The following ZDHHC2 variants were observed in gnomAD, a reference collection of about 807,000 sequenced individuals.
ZDHHC2 encodes the protein zDHHC palmitoyltransferase 2, also known as palmitoyltransferase ZDHHC2.
In ZDHHC2, 51 loss-of-function variants were observed where a neutral mutation model predicts 55.6. The observed-to-expected ratio is 0.92, with a 90% CI of 0.73 to 1.16. The LOEUF is 1.16. Ranked by LOEUF, ZDHHC2 falls within the 50% of genes most tolerant of loss-of-function variation. ZDHHC2 has a pLI of 0.00. For missense variants in ZDHHC2, 491 were observed against 442.4 expected, an observed-to-expected ratio of 1.11 and a Z score of -0.99; for synonymous variants, 199 against 152.9, an observed-to-expected ratio of 1.30 and a Z score of -2.22.
intron 1 of ZDHHC2, among the ~76,000 whole-genome samples, chr8:17,182,814 C>T (rs758459089): frequency 1.3e-5 from 2 of 152,026 alleles, no homozygotes; most frequent in African/African-American, 2.4e-5. Context: ...CAGGCTGGAG[C>T]GCAGTGGCGT....
At chr8:17,207,906 A>G (rs1202223235) in intron 7 of ZDHHC2, 54 bp from the exon 8 acceptor site, 4 of 1,275,014 alleles carry the variant, frequency 3.1e-6, no homozygotes, top group African/African-American at 1.5e-5. Context: ...TTATAAAAGT[A>G]GGGGAATACA....
chr8:17,162,010 A>G (rs969533771), intron 1 of ZDHHC2, among the ~76,000 whole-genome samples: 2 of 152,256 alleles, frequency 1.3e-5, no homozygotes, highest in Non-Finnish European at 2.9e-5. Context: ...CTTCAAATCA[A>G]AAATTCAAAT....
intron 6 of ZDHHC2, among the ~76,000 whole-genome samples, chr8:17,204,747 A>G (rs984530357): frequency 6.6e-6 from 1 of 152,178 alleles, no homozygotes; most frequent in Non-Finnish European, 1.5e-5. Flanking sequence ...AATCTATACA[A>G]CAGACCCCCA....
chr8:17,162,066 T>C (rs1407298739), intron 1 of ZDHHC2, among the ~76,000 whole-genome samples: 2 of 152,234 alleles, frequency 1.3e-5, no homozygotes, highest in Non-Finnish European at 2.9e-5. Flanking sequence ...TGCTCCCATT[T>C]TACTTTAATA....
rs1804054690 is a variant in ZDHHC2, at chr8:17,156,583, G to C, written c.-141G>C. The C allele has an allele frequency of 1.9e-6, 1 of 536,712 alleles. No homozygotes were observed. The highest frequency in any genetic ancestry group is 6.2e-5 in the Admixed American group (1 of 16,250). 33.2% of individuals were successfully genotyped at this position (536,712 alleles called of 1,614,324 possible). A position where few individuals can be genotyped will look rare whatever the true frequency, so the allele number is the denominator to read the frequency against. On this transcript the variant is annotated 5_prime_UTR_variant, in exon 1 of 13. Coordinates refer to ENST00000262096, the MANE Select transcript of ZDHHC2 (RefSeq NM_016353.5). ...CGGGGCTGCGGGATGGGGAGTTAGC[G>C]CCACGGCGGCGGCAGTGGCCGCAGC...
chr8:17,156,821 C>T lies in ZDHHC2; in HGVS notation c.98C>T (p.Ser33Phe). 6.6e-7 allele frequency: 1 copy of T among 1,520,660 alleles called. No individual in the cohort carries two copies. Among genetic ancestry groups the T allele is most frequent in the Non-Finnish European group, 8.8e-7 (1 of 1,132,794 alleles). The allele number at this position is 1,520,660 out of a possible 1,614,324, so 94.2% of individuals were successfully genotyped here. A position where few individuals can be genotyped will look rare whatever the true frequency, so the allele number is the denominator to read the frequency against. ...TTCATCACCCTCCTGCTCGGCTGGT[C>T]CTACTACGCCTACGCCATCCAGCTG... Reference protein sequence around the residue: ...VVFITLLLGWSYYAYAIQLCI... With the variant: ...VVFITLLLGWFYYAYAIQLCI... The change falls in exon 1 of 13, where the codon TCC becomes TTC. Residue 33 changes from serine (S) to phenylalanine (F), a missense_variant. Ser to Phe is a radical substitution (Grantham distance 155, BLOSUM62 -2). Transcript: ENST00000262096.
intron 2 of ZDHHC2, 92 bp downstream of exon 2, chr8:17,184,907 G>C (rs2517086): frequency 0.51 from 604,710 of 1,181,700 alleles, 164,841 homozygotes; most frequent in Non-Finnish European, 0.57. Context: ...ATAAATTGTT[G>C]TTTGAGAATG....
At position 17,171,742 on chromosome 8, in the gene ZDHHC2, T is replaced by C. The variant is rs573761006; in HGVS notation, c.131-13047T>C. On this transcript the variant is annotated intron_variant, in intron 1 of 12. Coordinates refer to ENST00000262096, the MANE Select transcript of ZDHHC2 (RefSeq NM_016353.5). ...ACAACATGGATGAACCTGGAAGACA[T>C]TGGGCTACATGAGAAAAAGCCAGTC... 1.4e-4 allele frequency among the ~76,000 whole-genome samples: 21 copies of C among 151,780 alleles called. No individual in the cohort carries two copies. In the South Asian group the frequency reaches 4.4e-3, roughly 32 times the overall value.
chr8:17,189,814 T>A (rs1406061166), intron 3 of ZDHHC2, among the ~76,000 whole-genome samples: 3 of 152,232 alleles, frequency 2.0e-5, no homozygotes, highest in Non-Finnish European at 4.4e-5. Context: ...GTGTGATTTT[T>A]CTACAAAAGA....
chr8:17,186,952 G>A (rs765465969), intron 3 of ZDHHC2, among the ~76,000 whole-genome samples: 1 of 152,168 alleles, frequency 6.6e-6, no homozygotes, highest in Non-Finnish European at 1.5e-5. Flanking sequence ...GGACTCTGCG[G>A]TTCCAACCAT....
chr8:17,191,780 G>C (rs1355518780), intron 3 of ZDHHC2, among the ~76,000 whole-genome samples: 1 of 152,108 alleles, frequency 6.6e-6, no homozygotes, highest in East Asian at 1.9e-4. Flanking sequence ...CAATAAACAT[G>C]GGAGTGCAGA....
At chr8:17,184,859 GA>G (rs769961002) in intron 2 of ZDHHC2, 44 bp downstream of exon 2, 154 of 1,470,484 alleles carry the variant, frequency 1.0e-4, no homozygotes, top group African/African-American at 2.3e-4. Context: ...TAAATAGTTT[GA>G]AAAAAAATTG....
Position 17,205,684 on chromosome 8 carries a change from A to G in ZDHHC2, c.506A>G (p.Tyr169Cys), listed in dbSNP as rs1275048942. ...WVNNCVGFSNYKFFLLFLAYS... is the reference protein window; with the variant it reads ...WVNNCVGFSNCKFFLLFLAYS... ...AACAATTGTGTTGGATTTTCAAATT[A>G]TAAGTTCTTTCTCCTTTTCTTGGCT... is the stretch of plus-strand genomic sequence containing the variant. Residue 169 changes from tyrosine (Y) to cysteine (C), a missense_variant, in exon 7 of 13, where the codon TAT becomes TGT. Coordinates refer to ENST00000262096, the MANE Select transcript of ZDHHC2 (RefSeq NM_016353.5). 1 of 1,606,886 alleles carries G rather than the reference A, an allele frequency of 6.2e-7. No individual in the cohort carries two copies. The highest frequency in any genetic ancestry group is 1.3e-5 in the African/African-American group (1 of 74,464).
chr8:17,186,495 G>A (rs1225996280), intron 3 of ZDHHC2, 70 bp downstream of exon 3: 13 of 923,034 alleles, frequency 1.4e-5, no homozygotes, highest in African/African-American at 1.8e-5. Flanking sequence ...ATTGAAGAAC[G>A]AATTTTATTT....
At chr8:17,184,646 T>C in intron 1 of ZDHHC2, 143 bp from the exon 2 acceptor site, 1 of 719,830 alleles carries the variant, frequency 1.4e-6, no homozygotes, top group East Asian at 2.8e-5. Context: ...TCACCTCTCC[T>C]CCAAATAAAG....
In ZDHHC2 at chr8:17,213,123, A is replaced by C. The variant is rs74577615; in HGVS notation, c.951-2114A>C. Among the ~76,000 whole-genome samples, 252 of 152,144 alleles carry C rather than the reference A, an allele frequency of 1.7e-3. 4 individuals carry two copies. In the East Asian group the frequency reaches 0.033, roughly 20 times the overall value. ...TCCCTTTCCTTACCATTCTTCCTCCAGATCTCAGTGAGCTGTGTCTTCTCT... is the reference window on the plus strand; with the variant it reads ...TCCCTTTCCTTACCATTCTTCCTCCCGATCTCAGTGAGCTGTGTCTTCTCT... On this transcript the variant is annotated intron_variant, in intron 10 of 12. Coordinates refer to ENST00000262096, the MANE Select transcript of ZDHHC2 (RefSeq NM_016353.5).
At chr8:17,199,629 C>CTTCTTCTTCCT (rs1476684972) in intron 6 of ZDHHC2, among the ~76,000 whole-genome samples, 1 of 44,900 alleles carries the variant, frequency 2.2e-5, no homozygotes, top group Non-Finnish European at 1.0e-4. Flanking sequence ...TTCTTCCTTT[C>CTTCTTCTTCCT]TTCTTCTTCT....
At position 17,222,283 on chromosome 8, in the gene ZDHHC2, T is replaced by C. The variant is rs548893236; in HGVS notation, c.*2062T>C. On this transcript the variant is annotated 3_prime_UTR_variant, in exon 13 of 13. Transcript: ENST00000262096. ...GGTTGTTTTGTTTTGTTTTGAATTA[T>C]AGGAGTTATAATCTTTGGAGATGAT... 6.6e-6 allele frequency: 1 copy of C among 151,944 alleles called. No individual in the cohort carries two copies. The highest frequency in any genetic ancestry group is 2.1e-4 in the South Asian group (1 of 4,828). The allele number at this position is 151,944 out of a possible 1,614,324, so 9.4% of individuals were successfully genotyped here.
intron 1 of ZDHHC2, among the ~76,000 whole-genome samples, chr8:17,176,066 T>G (rs1381963696): frequency 1.3e-5 from 2 of 152,172 alleles, no homozygotes; most frequent in African/African-American, 2.4e-5. Flanking sequence ...AGATTGGACT[T>G]TATTTTACTG....
Sources: gnomAD v4.1 joint callset for allele counts (sites outside exome capture counted in the v4.1 genomes callset) on GRCh38, gnomAD v4.1.1 for gene constraint, MANE v1.5 for transcripts, NCBI Gene and HGNC (gene_info 2026-07-23, HGNC 2026-07-21) for gene names.